PDCD6: variants seen among roughly 807,000 people sequenced by gnomAD.
PDCD6 encodes programmed cell death 6, also known as programmed cell death protein 6.
PDCD6 carries 12 observed loss-of-function variants against 28.3 expected under a neutral mutation model. That is an observed-to-expected ratio of 0.42 (90% confidence interval 0.27 to 0.69). The LOEUF (loss-of-function observed/expected upper bound fraction) is 0.69, where lower values mean the gene tolerates loss of function less well. Ranked by LOEUF, PDCD6 falls within the 30% of genes least tolerant of loss-of-function variation. The probability of loss-of-function intolerance (pLI) is 0.22; values close to 1 mark genes in which losing one functional copy is unlikely to be tolerated. For missense variants in PDCD6, 226 were observed against 269.9 expected (o/e 0.84, Z 1.14); for synonymous variants, 92 against 108.0 (o/e 0.85, Z 0.92).
chr5:294,313 C>G (rs1278193829), intron 2 of PDCD6, among the ~76,000 whole-genome samples: 1 of 146,706 alleles, frequency 6.8e-6, no homozygotes, highest in Non-Finnish European at 1.5e-5. Context: ...TCACAACGTA[C>G]TGGCACGCAG....
intron 2 of PDCD6, among the ~76,000 whole-genome samples, chr5:292,963 C>G (rs1421513148): frequency 6.6e-6 from 1 of 152,246 alleles, no homozygotes; most frequent in Admixed American, 6.5e-5. Flanking sequence ...GGCTCCCACA[C>G]AGCTGGGCGG....
chr5:304,814 T>G (rs1740359914), intron 3 of PDCD6: 1 of 152,140 alleles, frequency 6.6e-6, no homozygotes. Flanking sequence ...CTGCATCATT[T>G]CTTTGGGTCC....
intron 2 of PDCD6, among the ~76,000 whole-genome samples, chr5:300,360 C>A (rs1271088191): frequency 6.6e-6 from 1 of 152,236 alleles, no homozygotes; most frequent in Non-Finnish European, 1.5e-5. Context: ...ATCCGGCGCA[C>A]CCTGTGTGAC....
At chr5:286,095 G>GT (rs758740301) in intron 2 of PDCD6, among the ~76,000 whole-genome samples, 81 of 92,438 alleles carry the variant, frequency 8.8e-4, no homozygotes, top group Admixed American at 3.4e-3. Flanking sequence ...TGAGGACCCA[G>GT]GGGGGAGCTG....
chr5:306,332 AC>A, intron 3 of PDCD6: 2 of 403,908 alleles, frequency 5.0e-6, no homozygotes, highest in African/African-American at 2.0e-5. Context: ...ATCCCATTGC[AC>A]GGCCTGCCTC....
intron 2 of PDCD6, among the ~76,000 whole-genome samples, chr5:302,109 C>CG (rs1740108583): frequency 2.2e-5 from 1 of 45,634 alleles, no homozygotes; most frequent in African/African-American, 6.2e-5. Flanking sequence ...TGTGTGTGTG[C>CG]CTTGGGTTCA....
chr5:289,411 T>G, intron 2 of PDCD6: 2 of 666,322 alleles, frequency 3.0e-6, no homozygotes, highest in Non-Finnish European at 5.4e-6. Flanking sequence ...TCTCAATACC[T>G]TCTTCTTCCT....
At position 288,923 on chromosome 5, in the gene PDCD6, A is replaced by T. The variant is rs192911780; in HGVS notation, c.164-15254A>T. The T allele has an allele frequency of 6.3e-6, 10 of 1,582,346 alleles. No individual in the cohort carries two copies. The East Asian group carries it at 2.2e-4, about 35-fold the overall frequency. Reference sequence around the variant, plus strand: ...AAAGAATCTCTCCAGTTTTACTGGAATTAGATCCTACTAATTCTTCTGTTT... The same window carrying T: ...AAAGAATCTCTCCAGTTTTACTGGATTTAGATCCTACTAATTCTTCTGTTT... On this transcript the variant is annotated intron_variant, in intron 2 of 5. Transcript: ENST00000264933.
chr5:276,274 A>G (rs1738192846), intron 2 of PDCD6: 1 of 1,123,526 alleles, frequency 8.9e-7, no homozygotes, highest in Middle Eastern at 4.0e-4. Context: ...CCATTGGATC[A>G]TCGCAGCATT....
chr5:289,348 C>T (rs1442375950), intron 2 of PDCD6: 6 of 558,724 alleles, frequency 1.1e-5, no homozygotes, highest in Non-Finnish European at 2.0e-5. Context: ...TTCACGAAAG[C>T]AATGAATACA....
intron 2 of PDCD6, among the ~76,000 whole-genome samples, chr5:277,989 T>G (rs989216208): frequency 4.6e-5 from 7 of 152,106 alleles, no homozygotes; most frequent in African/African-American, 1.4e-4. Context: ...ATCTAAACTT[T>G]AATCTCATAC....
intron 2 of PDCD6, among the ~76,000 whole-genome samples, chr5:281,046 G>T (rs942524091): frequency 6.6e-6 from 1 of 152,206 alleles, no homozygotes; most frequent in African/African-American, 2.4e-5. Context: ...AAATAAGATC[G>T]CATCTACAGC....
chr5:311,768 A>C (rs1579558186), intron 5 of PDCD6: 1 of 224,770 alleles, frequency 4.4e-6, no homozygotes, highest in Non-Finnish European at 8.7e-6. Flanking sequence ...ATCCCGGCTC[A>C]CTCCCACCTC....
chr5:277,164 C>CGCCCA (rs1170491951), intron 2 of PDCD6, among the ~76,000 whole-genome samples: 13 of 152,272 alleles, frequency 8.5e-5, no homozygotes, highest in African/African-American at 2.9e-4. Context: ...CTTGCTCTAT[C>CGCCCA]GCCCAGGCTG....
At chr5:311,257 C>G (rs1334389764) in intron 4 of PDCD6, 36 bp from the exon 5 acceptor site, 1 of 1,535,404 alleles carries the variant, frequency 6.5e-7, no homozygotes, top group Non-Finnish European at 9.0e-7. Context: ...TCCCGTCTCT[C>G]CCAGCCTTCT....
At chr5:296,541 C>T (rs920329950) in intron 2 of PDCD6, among the ~76,000 whole-genome samples, 2 of 152,236 alleles carry the variant, frequency 1.3e-5, no homozygotes, top group Non-Finnish European at 2.9e-5. Flanking sequence ...GAGTGAGGGA[C>T]CCCCAGAGAC....
chr5:311,328 A>G lies in PDCD6; in HGVS notation c.403A>G (p.Ile135Val). 1.2e-6 allele frequency: 2 copies of G among 1,613,744 alleles called. No homozygotes were observed. The highest frequency in any genetic ancestry group is 1.7e-6 in the Non-Finnish European group (2 of 1,179,776). ...RLSDQFHDIL[I>V]RKFDRQGRGQ... ...CTCTGACCAGTTCCACGACATCCTC[A>G]TTCGAAAGTTTGACAGGCAGGGACG... The change falls in exon 5 of 6, where the codon ATT becomes GTT. Residue 135 changes from isoleucine to valine, a missense_variant. By Grantham distance (29) the Ile-to-Val change is conservative. Around this residue, in one of 3 missense-constraint regions of PDCD6, gnomAD observed 151 missense variants for 177.2 expected, o/e 0.85. Transcript: ENST00000264933.
At chr5:290,110 T>C in intron 2 of PDCD6, 1 of 1,574,138 alleles carries the variant, frequency 6.4e-7, no homozygotes, top group Non-Finnish European at 8.7e-7. Flanking sequence ...GACATTAGGG[T>C]TGGGAGGACC....
intron 2 of PDCD6, among the ~76,000 whole-genome samples, chr5:284,684 T>G (rs62345243): frequency 4.5e-5 from 4 of 87,972 alleles, no homozygotes; most frequent in African/African-American, 2.3e-4. Flanking sequence ...CAGTTTGAGG[T>G]CCATGCAGCT....
Sources: allele counts gnomAD v4.1 joint callset (sites outside exome capture counted in the v4.1 genomes callset), GRCh38; gene constraint gnomAD v4.1.1; regional missense constraint gnomAD v4.1.1; transcripts MANE v1.5; gene names NCBI Gene and HGNC (gene_info 2026-07-23, HGNC 2026-07-21).